Variants in USP34 observed in about 807,000 individuals in gnomAD.
USP34 encodes ubiquitin carboxyl-terminal hydrolase 34.
A neutral mutation model predicts 460.3 loss-of-function variants in USP34; 70 were observed. The observed-to-expected ratio is 0.15, with a 90% CI of 0.13 to 0.19. The LOEUF (loss-of-function observed/expected upper bound fraction) is 0.19. Ranked by LOEUF, USP34 falls within the 10% of genes least tolerant of loss-of-function variation. The probability of loss-of-function intolerance (pLI) is 1.00; values close to 1 mark genes in which losing one functional copy is unlikely to be tolerated. For synonymous variants in USP34, 1,647 were observed against 1,405.3 expected, an observed-to-expected ratio of 1.17 and a Z score of -3.85; for missense variants, 3,985 against 4,236.2, an observed-to-expected ratio of 0.94 and a Z score of 1.65.
At chr2:61,430,590 C>G (rs560595730) in intron 1 of USP34, among the ~76,000 whole-genome samples, 1 of 152,080 alleles carries the variant, frequency 6.6e-6, no homozygotes, top group Non-Finnish European at 1.5e-5. Flanking sequence ...TAAACACATA[C>G]CCTTACAATA....
chr2:61,236,235 A>T lies in USP34; in HGVS notation c.6844T>A (p.Phe2282Ile). The change falls in exon 55 of 80, where the codon TTT becomes ATT. Residue 2282 changes from phenylalanine to isoleucine, a missense_variant and splice_region_variant. Coordinates refer to ENST00000398571, the MANE Select transcript of USP34 (RefSeq NM_014709.4). ...KNIFEHTYFG[F>I]MWQLCSCIPS... ...ATACAACTACACAATTGCCACATAA[A>T]TCTAGAATTTAAAAATAATCATTTA... 2 of 1,608,892 alleles carry T rather than the reference A, an allele frequency of 1.2e-6. No homozygotes were observed. Among genetic ancestry groups the T allele is most frequent in the Non-Finnish European group, 1.7e-6 (2 of 1,177,976 alleles).
chr2:61,194,190 A>G, intron 75 of USP34: 1 of 985,402 alleles, frequency 1.0e-6, no homozygotes, highest in Non-Finnish European at 1.2e-6. Context: ...TCCCTTCCAC[A>G]GGTAAGCCAA....
chr2:61,431,937 A>G (rs1297037632), intron 1 of USP34, among the ~76,000 whole-genome samples: 2 of 152,336 alleles, frequency 1.3e-5, no homozygotes, highest in East Asian at 3.9e-4. Context: ...AATGCTTGAG[A>G]TAACAATAAT....
At chr2:61,350,812 G>A in intron 10 of USP34, 119 bp from the exon 11 acceptor site, 1 of 1,030,218 alleles carries the variant, frequency 9.7e-7, no homozygotes, top group Non-Finnish European at 1.4e-6. Context: ...TTTTTAATAT[G>A]ACGGTAAAAT....
At chr2:61,450,814 G>A (rs1313061075) in intron 1 of USP34, among the ~76,000 whole-genome samples, 1 of 147,940 alleles carries the variant, frequency 6.8e-6, no homozygotes. Context: ...GACACCGTAA[G>A]ATGTCAACTC....
Position 61,283,400 on chromosome 2 carries a change from A to T in USP34, c.4873+9T>A. Reference sequence around the variant, plus strand: ...TATTTATTAAAAGTTAACTTTGTGGAACCCTTACCTTCATGTCTAGACCTG... The same window carrying T: ...TATTTATTAAAAGTTAACTTTGTGGTACCCTTACCTTCATGTCTAGACCTG... On this transcript the variant is annotated intron_variant, in intron 36 of 79. Coordinates refer to ENST00000398571, the MANE Select transcript of USP34 (RefSeq NM_014709.4). The T allele has an allele frequency of 6.3e-7, 1 of 1,599,070 alleles. No homozygotes were observed.
At chr2:61,255,616 A>T (rs1688703962) in intron 48 of USP34, among the ~76,000 whole-genome samples, 1 of 152,256 alleles carries the variant, frequency 6.6e-6, no homozygotes, top group South Asian at 2.1e-4. Context: ...TAAATAAAAA[A>T]TACTTTGGAA....
chr2:61,325,290 A>C (rs1257031525), intron 21 of USP34, 85 bp downstream of exon 21: 2 of 845,142 alleles, frequency 2.4e-6, no homozygotes, highest in Non-Finnish European at 3.5e-6. Flanking sequence ...AAAAAAAAAA[A>C]ACTGCAGAAA....
intron 19 of USP34, 38 bp downstream of exon 19, chr2:61,333,844 A>G (rs766463237): frequency 2.2e-6 from 3 of 1,367,894 alleles, no homozygotes; most frequent in East Asian, 5.3e-5. Flanking sequence ...TTAGAAAAAA[A>G]TCTTTAAAAT....
At chr2:61,346,230 G>C (rs1250406311) in intron 15 of USP34, 2 of 151,878 alleles carry the variant, frequency 1.3e-5, no homozygotes, top group Admixed American at 1.3e-4. Flanking sequence ...AAACATGGTA[G>C]GTCTAGGCTG....
intron 1 of USP34, among the ~76,000 whole-genome samples, chr2:61,466,693 CCT>C (rs1456771298): frequency 6.6e-6 from 1 of 152,024 alleles, no homozygotes; most frequent in African/African-American, 2.4e-5. Context: ...AGGCAGATCC[CCT>C]GAGGTCAGGA....
At chr2:61,416,881 C>T (rs1694212677) in intron 2 of USP34, 2 of 802,370 alleles carry the variant, frequency 2.5e-6, no homozygotes, top group East Asian at 5.4e-5. Context: ...CAGTGGAAGC[C>T]CTCATGAGTG....
chr2:61,364,767 A>G (rs1464647720), intron 10 of USP34, among the ~76,000 whole-genome samples: 1 of 151,820 alleles, frequency 6.6e-6, no homozygotes, highest in Non-Finnish European at 1.5e-5. Flanking sequence ...CGTCACTATT[A>G]AAAATACAAA....
At chr2:61,245,638 G>C (rs1022427276) in intron 50 of USP34, among the ~76,000 whole-genome samples, 5 of 151,798 alleles carry the variant, frequency 3.3e-5, no homozygotes, top group Admixed American at 2.0e-4. Flanking sequence ...ATCAAAAAAA[G>C]ATTCAAAATA....
chr2:61,189,404 C>T (rs890269170), intron 78 of USP34: 4 of 176,742 alleles, frequency 2.3e-5, no homozygotes, highest in Admixed American at 6.2e-5. Flanking sequence ...TCCCAAGTAG[C>T]TGGGACTACA....
At chr2:61,313,566 T>C (rs1690658718) in intron 25 of USP34, among the ~76,000 whole-genome samples, 1 of 152,164 alleles carries the variant, frequency 6.6e-6, no homozygotes, top group Non-Finnish European at 1.5e-5. Flanking sequence ...TTATAATACG[T>C]ATTAATTAAT....
At chr2:61,385,164 G>C (rs903912505) in intron 5 of USP34, among the ~76,000 whole-genome samples, 6 of 152,046 alleles carry the variant, frequency 3.9e-5, no homozygotes. Flanking sequence ...AATATCATGT[G>C]TCTAGGAGTA....
In USP34 at chr2:61,325,444, C is replaced by T; in HGVS notation, c.2944G>A (p.Ala982Thr). 1 of 1,545,740 alleles carries T rather than the reference C, an allele frequency of 6.5e-7. No homozygotes were observed. Among genetic ancestry groups the T allele is most frequent in the Non-Finnish European group, 8.7e-7 (1 of 1,155,736 alleles). Reference protein sequence around the residue: ...RQKHALYSHSAEVQVRLQFLT... With the variant: ...RQKHALYSHSTEVQVRLQFLT... ...AATTGAAGACGAACTTGAACTTCAG[C>T]ACTATGGCTGTACCTATAATTTAAA... Residue 982 changes from alanine to threonine, a missense_variant, in exon 21 of 80, where the codon GCT becomes ACT. Coordinates refer to ENST00000398571, the MANE Select transcript of USP34 (RefSeq NM_014709.4).
chr2:61,291,034 C>T (rs192443524), intron 33 of USP34, among the ~76,000 whole-genome samples: 214 of 152,082 alleles, frequency 1.4e-3, no homozygotes, highest in African/African-American at 4.3e-3. Flanking sequence ...ACCCATAGAA[C>T]GGGAGAAAAT....
Sources: gnomAD v4.1 joint callset for allele counts (sites outside exome capture counted in the v4.1 genomes callset) on GRCh38, gnomAD v4.1.1 for gene constraint, MANE v1.5 for transcripts, NCBI Gene and HGNC (gene_info 2026-07-23, HGNC 2026-07-21) for gene names.